Variants in ITGB1 observed in about 807,000 individuals in gnomAD.
ITGB1 encodes the protein integrin beta-1.
ITGB1 carries 24 observed loss-of-function variants against 86.5 expected under a neutral mutation model. The ratio of observed to expected loss-of-function variants is 0.28; its 90% CI spans 0.20 to 0.39. The LOEUF is 0.39. Among genes scored for constraint, ITGB1 ranks in the 10% least tolerant of loss-of-function variants. The pLI, the probability that ITGB1 is intolerant of heterozygous loss-of-function variation, is 1.00. For missense variants in ITGB1, 556 were observed against 946.9 expected, an observed-to-expected ratio of 0.59 and a Z score of 5.42; for synonymous variants, 323 against 316.8, an observed-to-expected ratio of 1.02 and a Z score of -0.21.
intron 15 of ITGB1, among the ~76,000 whole-genome samples, chr10:32,903,881 G>A (rs1470883418): frequency 6.6e-6 from 1 of 151,808 alleles, no homozygotes; most frequent in East Asian, 1.9e-4. Flanking sequence ...TCTGATTTGA[G>A]GCTAAGTGCT....
rs757540603 is a variant in ITGB1, at chr10:32,929,865, A to G, written c.333T>C (p.Ile111=). 3.7e-6 allele frequency: 6 copies of G among 1,613,360 alleles called. No individual in the cohort carries two copies. The Admixed American group carries it at 1.0e-4, about 27-fold the overall frequency. The stretch of plus-strand genomic sequence containing the variant: ...CCAACTGCTGTGGTTGGATCTGAGT[A>G]ATATCCTCTGGCTTGAGCTTCTCTG... ...GTAEKLKPED[I]TQIQPQQLVL... Residue 111 remains isoleucine (I), a synonymous_variant, in exon 4 of 16, where the codon ATT becomes ATC. Transcript: ENST00000302278.
At chr10:32,907,790 C>CATAAA (rs2094901024) in intron 15 of ITGB1, among the ~76,000 whole-genome samples, 1 of 151,814 alleles carries the variant, frequency 6.6e-6, no homozygotes, top group East Asian at 1.9e-4. Flanking sequence ...TTGGGCCACA[C>CATAAA]ATAAAATACA....
chr10:32,934,093 G>C (rs1474785471), intron 2 of ITGB1, among the ~76,000 whole-genome samples: 1 of 151,926 alleles, frequency 6.6e-6, no homozygotes, highest in African/African-American at 2.4e-5. Flanking sequence ...AAACCTAAAA[G>C]AATAATTAAC....
intron 11 of ITGB1, among the ~76,000 whole-genome samples, chr10:32,917,750 T>C (rs1304759461): frequency 6.6e-6 from 1 of 152,228 alleles, no homozygotes; most frequent in Non-Finnish European, 1.5e-5. Context: ...CTGGTGGGAC[T>C]GTAAACTAGT....
At chr10:32,930,308 T>A (rs566418379) in intron 3 of ITGB1, among the ~76,000 whole-genome samples, 4 of 152,262 alleles carry the variant, frequency 2.6e-5, no homozygotes, top group South Asian at 2.1e-4. Context: ...ATTCAGAGTA[T>A]CTAATCAAAA....
At chr10:32,930,752 T>C (rs1395722037) in intron 3 of ITGB1, among the ~76,000 whole-genome samples, 1 of 152,120 alleles carries the variant, frequency 6.6e-6, no homozygotes, top group East Asian at 1.9e-4. Flanking sequence ...AAAAAGTTCT[T>C]AATGGCAGGT....
chr10:32,939,575 C>G (rs1232963381), intron 1 of ITGB1, among the ~76,000 whole-genome samples: 3 of 152,174 alleles, frequency 2.0e-5, no homozygotes, highest in Non-Finnish European at 2.9e-5. Context: ...TGGAATGCTG[C>G]AGTAAGCATG....
intron 1 of ITGB1, among the ~76,000 whole-genome samples, chr10:32,937,107 TA>T (rs2095004493): frequency 6.6e-6 from 1 of 152,110 alleles, no homozygotes; most frequent in African/African-American, 2.4e-5. Flanking sequence ...CTTAAATATA[TA>T]AAAGGTGACA....
intron 15 of ITGB1, among the ~76,000 whole-genome samples, chr10:32,902,759 T>C (rs2094885116): frequency 6.6e-6 from 1 of 152,256 alleles, no homozygotes; most frequent in Admixed American, 6.5e-5. Flanking sequence ...TCACACTTCA[T>C]TGCAGACTGT....
At chr10:32,944,655 GT>G in intron 1 of ITGB1, 1 of 632,692 alleles carries the variant, frequency 1.6e-6, no homozygotes, top group South Asian at 1.5e-5. Context: ...CTGTTGGGTG[GT>G]TTTCCATGGA....
intron 15 of ITGB1, 88 bp downstream of exon 15, chr10:32,908,280 T>C: frequency 8.0e-7 from 1 of 1,250,168 alleles, no homozygotes; most frequent in Non-Finnish European, 1.2e-6. Flanking sequence ...AGGACTTTAA[T>C]AATCAGCCTG....
chr10:32,939,649 T>A (rs1185700911), intron 1 of ITGB1, among the ~76,000 whole-genome samples: 1 of 152,144 alleles, frequency 6.6e-6, no homozygotes, highest in African/African-American at 2.4e-5. Flanking sequence ...CAAAAGATTT[T>A]AAAATTGATG....
intron 1 of ITGB1, among the ~76,000 whole-genome samples, chr10:32,944,140 T>C (rs996426407): frequency 3.3e-5 from 5 of 152,164 alleles, no homozygotes; most frequent in Non-Finnish European, 7.3e-5. Context: ...CCACCGACTG[T>C]TCCCAGCAGC....
chr10:32,914,416 A>T (rs905054116), intron 11 of ITGB1, among the ~76,000 whole-genome samples: 18 of 152,170 alleles, frequency 1.2e-4, no homozygotes, highest in African/African-American at 4.3e-4. Context: ...TATTCAGGAG[A>T]CCCATCTCAC....
At chr10:32,948,971 G>GAAAAAAA (rs71299726) in intron 1 of ITGB1, among the ~76,000 whole-genome samples, 5 of 121,384 alleles carry the variant, frequency 4.1e-5, no homozygotes, top group African/African-American at 8.5e-5. Flanking sequence ...GTGGATTACT[G>GAAAAAAA]AAAAAAAAAA....
At chr10:32,950,716 CTTTT>C (rs2095040954) in intron 1 of ITGB1, among the ~76,000 whole-genome samples, 1 of 152,086 alleles carries the variant, frequency 6.6e-6, no homozygotes, top group Non-Finnish European at 1.5e-5. Context: ...AGAAAAATGG[CTTTT>C]TAAAGAGCAC....
intron 1 of ITGB1, chr10:32,944,525 C>T (rs2504002): frequency 0.99 from 424,498 of 426,710 alleles, 211,194 homozygotes; most frequent in East Asian, 1. Flanking sequence ...CAACATGCTG[C>T]GGGGCACAGA....
intron 1 of ITGB1, 193 bp downstream of exon 1, chr10:32,957,952 C>T (rs1187076): frequency 0.33 from 49,749 of 151,724 alleles, 10,372 homozygotes; most frequent in Non-Finnish European, 0.47. Context: ...TGCGGACTTC[C>T]TCCTGGACTA....
intron 1 of ITGB1, chr10:32,944,540 A>C (rs2095026809): frequency 2.3e-6 from 1 of 443,740 alleles, no homozygotes; most frequent in African/African-American, 2.0e-5. Flanking sequence ...CACAGAAATT[A>C]ATGTGTTAGC....
Sources: gnomAD v4.1 joint callset for allele counts (sites outside exome capture counted in the v4.1 genomes callset) on GRCh38, gnomAD v4.1.1 for gene constraint, MANE v1.5 for transcripts, NCBI Gene and HGNC (gene_info 2026-07-23, HGNC 2026-07-21) for gene names.